CD244: variants seen among roughly 807,000 people sequenced by gnomAD.
CD244 encodes the protein CD244 molecule.
A neutral mutation model predicts 45.5 loss-of-function variants in CD244; 20 were observed. The observed-to-expected ratio is 0.44, with a 90% CI of 0.31 to 0.64. The LOEUF (loss-of-function observed/expected upper bound fraction) is 0.64, where lower values mean the gene tolerates loss of function less well. CD244 is among the 30% of genes least tolerant of loss of function. CD244 has a pLI of 0.08. For missense variants in CD244, 407 were observed against 426.9 expected, an observed-to-expected ratio of 0.95 and a Z score of 0.41; for synonymous variants, 185 against 160.5, an observed-to-expected ratio of 1.15 and a Z score of -1.15.
chr1:160,845,942 T>C (rs1309219287), intron 1 of CD244, among the ~76,000 whole-genome samples: 2 of 150,408 alleles, frequency 1.3e-5, no homozygotes, highest in Admixed American at 6.6e-5. Flanking sequence ...CAAAGATAAA[T>C]AGAAAAATCG....
chr1:160,835,881 C>G (rs12078336), intron 6 of CD244, among the ~76,000 whole-genome samples: 4,896 of 152,244 alleles, frequency 0.032, 176 homozygotes, highest in South Asian at 0.081. Context: ...GTATTAGAAG[C>G]AGCAGCAGGG....
At chr1:160,842,921 A>G (rs1243744692) in intron 1 of CD244, among the ~76,000 whole-genome samples, 1 of 152,188 alleles carries the variant, frequency 6.6e-6, no homozygotes, top group Non-Finnish European at 1.5e-5. Flanking sequence ...ATGGCCCAGC[A>G]GGTGCAGGAA....
At chr1:160,854,723 T>C (rs1670045968) in intron 1 of CD244, among the ~76,000 whole-genome samples, 1 of 152,192 alleles carries the variant, frequency 6.6e-6, no homozygotes, top group Non-Finnish European at 1.5e-5. Context: ...ATGTGTGATC[T>C]ACAGTCCTCA....
chr1:160,852,457 G>A (rs1397926236), intron 1 of CD244, among the ~76,000 whole-genome samples: 1 of 152,118 alleles, frequency 6.6e-6, no homozygotes, highest in Non-Finnish European at 1.5e-5. Context: ...TCTGAGGCAG[G>A]AGAATTGCTT....
In CD244 at chr1:160,831,993, AC is replaced by A; in HGVS notation, c.1017+525del. Among the ~76,000 whole-genome samples the A allele has an allele frequency of 2.6e-5, 4 of 152,092 alleles. No homozygotes were observed. The Middle Eastern group carries it at 0.014, about 517-fold the overall frequency. Reference sequence around the variant, plus strand: ...TGGCAGGCTACCTTATCCATAATAAACCCCCAAGAAATGTTGAGTCCCTCCT... The same window carrying A: ...TGGCAGGCTACCTTATCCATAATAAACCCCAAGAAATGTTGAGTCCCTCCT... On this transcript the variant is annotated intron_variant, in intron 8 of 8. Transcript: ENST00000368034.
In CD244 at chr1:160,836,225, C is replaced by T. The variant is rs775974964; in HGVS notation, c.864G>A (p.Gly288=). The part of the protein sequence containing the change: ...HEQEQTFPGG[G]STIYSMIQSQ... ...ACTGGATCATAGAGTAGATGGTGCTCCCCCCTCCAGGAAAAGTCTGCTCCT... is the reference window on the plus strand; with the variant it reads ...ACTGGATCATAGAGTAGATGGTGCTTCCCCCTCCAGGAAAAGTCTGCTCCT... The change falls in exon 6 of 9, where the codon GGG becomes GGA. Residue 288 remains glycine (G), a synonymous_variant. Coordinates refer to ENST00000368034, the MANE Select transcript of CD244 (RefSeq NM_016382.4). 1.9e-6 allele frequency: 3 copies of T among 1,613,088 alleles called. No individual in the cohort carries two copies. Among genetic ancestry groups the T allele is most frequent in the Admixed American group, 1.7e-5 (1 of 59,986 alleles).
At chr1:160,844,426 T>TCTCTGGGTGAG (rs1385757682) in intron 1 of CD244, among the ~76,000 whole-genome samples, 6 of 152,240 alleles carry the variant, frequency 3.9e-5, no homozygotes, top group African/African-American at 1.4e-4. Flanking sequence ...GCAATGTGAC[T>TCTCTGGGTGAG]TTACAGCTCC....
At chr1:160,837,972 C>T (rs1290987519) in intron 5 of CD244, among the ~76,000 whole-genome samples, 2 of 152,202 alleles carry the variant, frequency 1.3e-5, no homozygotes, top group Non-Finnish European at 2.9e-5. Flanking sequence ...CTCTCTAGTA[C>T]CTCAGCCACA....
chr1:160,843,268 A>G lies in CD244; in HGVS notation c.62-1367T>C, dbSNP rs577159785. Among the ~76,000 whole-genome samples, 14 of 152,336 alleles carry G rather than the reference A, an allele frequency of 9.2e-5. No individual in the cohort carries two copies. The South Asian group carries it at 2.5e-3, about 27-fold the overall frequency. ...TATATGACTTGTACTGGCTCTGCCC[A>G]TTAGCAAACCAAAAGCTTCTCAAAA... On this transcript the variant is annotated intron_variant, in intron 1 of 8. Coordinates refer to ENST00000368034, the MANE Select transcript of CD244 (RefSeq NM_016382.4).
At chr1:160,833,940 C>T in intron 7 of CD244, 111 bp downstream of exon 7, 1 of 750,722 alleles carries the variant, frequency 1.3e-6, no homozygotes. Context: ...CTCAGATACA[C>T]ACAATAAAGA....
intron 5 of CD244, among the ~76,000 whole-genome samples, chr1:160,837,660 G>A (rs571171236): frequency 6.6e-6 from 1 of 152,316 alleles, no homozygotes; most frequent in East Asian, 1.9e-4. Flanking sequence ...GTGCTGCTGG[G>A]TCTCCACAGC....
intron 5 of CD244, among the ~76,000 whole-genome samples, chr1:160,837,235 A>G (rs2101865296): frequency 6.6e-6 from 1 of 152,248 alleles, no homozygotes; most frequent in South Asian, 2.1e-4. Flanking sequence ...AATCCCAAAG[A>G]GGTTTCCTTT....
intron 7 of CD244, 61 bp from the exon 8 acceptor site, chr1:160,832,636 T>C: frequency 6.2e-7 from 1 of 1,604,552 alleles, no homozygotes; most frequent in Non-Finnish European, 8.5e-7. Context: ...CACTCCTAAG[T>C]GATGTGAGAG....
At chr1:160,842,639 C>G (rs956301878) in intron 1 of CD244, among the ~76,000 whole-genome samples, 4 of 152,164 alleles carry the variant, frequency 2.6e-5, no homozygotes, top group African/African-American at 9.7e-5. Flanking sequence ...ACATAATCCT[C>G]TCTCGTGGCA....
intron 5 of CD244, among the ~76,000 whole-genome samples, chr1:160,838,182 G>C (rs1669397674): frequency 6.6e-6 from 1 of 152,168 alleles, no homozygotes. Context: ...ATTGATTTCT[G>C]TTGTGCTCCA....
chr1:160,831,371 C>T lies in CD244; in HGVS notation c.1074G>A (p.Leu358=), dbSNP rs1669107143. ...QNPARLSRKE[L]ENFDVYS ...ACTAGGAATAAACATCAAAGTTCTCCAGCTCTTTGCGGCTCAATCGAGCAG... is the reference window on the plus strand; with the variant it reads ...ACTAGGAATAAACATCAAAGTTCTCTAGCTCTTTGCGGCTCAATCGAGCAG... Residue 358 remains leucine (L), a synonymous_variant, in exon 9 of 9, where the codon CTG becomes CTA. Coordinates refer to ENST00000368034, the MANE Select transcript of CD244 (RefSeq NM_016382.4). 1.9e-6 allele frequency: 3 copies of T among 1,613,898 alleles called. No homozygotes were observed. The highest frequency in any genetic ancestry group is 1.6e-4 in the Middle Eastern group (1 of 6,084).
At chr1:160,858,238 T>C (rs528504932) in intron 1 of CD244, among the ~76,000 whole-genome samples, 3 of 151,746 alleles carry the variant, frequency 2.0e-5, no homozygotes, top group Non-Finnish European at 2.9e-5. Context: ...GGAGGTGCAA[T>C]GAGGAAGAGA....
intron 7 of CD244, among the ~76,000 whole-genome samples, chr1:160,833,536 A>G (rs1669214294): frequency 6.6e-6 from 1 of 152,182 alleles, no homozygotes; most frequent in Admixed American, 6.5e-5. Flanking sequence ...TTGGAGAAGG[A>G]TTTCAGTGCA....
At chr1:160,844,413 C>A (rs1669654938) in intron 1 of CD244, among the ~76,000 whole-genome samples, 1 of 152,158 alleles carries the variant, frequency 6.6e-6, no homozygotes, top group Non-Finnish European at 1.5e-5. Flanking sequence ...ATACCATGTC[C>A]TTGCAATGTG....
Sources: allele counts gnomAD v4.1 joint callset (sites outside exome capture counted in the v4.1 genomes callset), GRCh38; gene constraint gnomAD v4.1.1; transcripts MANE v1.5; gene names NCBI Gene and HGNC (gene_info 2026-07-23, HGNC 2026-07-21).